CNTNAP2: variants seen among roughly 807,000 people sequenced by gnomAD.
CNTNAP2 encodes the protein contactin associated protein 2.
CNTNAP2 carries 98 observed loss-of-function variants against 155.2 expected under a neutral mutation model. The ratio of observed to expected loss-of-function variants is 0.63; its 90% CI spans 0.54 to 0.75. The LOEUF (loss-of-function observed/expected upper bound fraction) is 0.75. CNTNAP2 is among the 30% of genes least tolerant of loss of function. CNTNAP2 has a pLI of 0.00. For missense variants in CNTNAP2, 1,727 were observed against 1,688.1 expected (o/e 1.02, Z -0.40); for synonymous variants, 651 against 631.2 (o/e 1.03, Z -0.47).
At chr7:147,151,389 A>G (rs1307308648) in intron 8 of CNTNAP2, among the ~76,000 whole-genome samples, 2 of 152,160 alleles carry the variant, frequency 1.3e-5, no homozygotes, top group Non-Finnish European at 2.9e-5. Context: ...AAAGTGAGAA[A>G]TAGGCCGACA....
At chr7:148,308,566 T>G (rs1181639406) in intron 21 of CNTNAP2, among the ~76,000 whole-genome samples, 2 of 150,010 alleles carry the variant, frequency 1.3e-5, no homozygotes, top group African/African-American at 5.0e-5. Context: ...TATTTATTTA[T>G]TTATTTATTT....
At chr7:147,680,526 G>A (rs903698347) in intron 13 of CNTNAP2, among the ~76,000 whole-genome samples, 2 of 151,894 alleles carry the variant, frequency 1.3e-5, no homozygotes, top group Non-Finnish European at 1.5e-5. Context: ...TTTCTGAGAT[G>A]TGGGGACTTT....
At chr7:148,165,690 G>A (rs557326061) in intron 17 of CNTNAP2, among the ~76,000 whole-genome samples, 10 of 152,256 alleles carry the variant, frequency 6.6e-5, no homozygotes, top group East Asian at 1.9e-4. Context: ...CATGAGCGGC[G>A]AAGCCAACAC....
intron 1 of CNTNAP2, among the ~76,000 whole-genome samples, chr7:146,626,655 CTCA>C (rs1242575131): frequency 6.6e-6 from 1 of 151,988 alleles, no homozygotes; most frequent in Non-Finnish European, 1.5e-5. Flanking sequence ...AATACATCAA[CTCA>C]TCATGAATTA....
chr7:146,481,773 G>T (rs554231635), intron 1 of CNTNAP2, among the ~76,000 whole-genome samples: 1 of 152,214 alleles, frequency 6.6e-6, no homozygotes, highest in Admixed American at 6.5e-5. Flanking sequence ...ATATAACCAA[G>T]ATCCAGTGGG....
chr7:148,127,435 G>A (rs1804739286), intron 16 of CNTNAP2, among the ~76,000 whole-genome samples: 1 of 152,158 alleles, frequency 6.6e-6, no homozygotes, highest in Non-Finnish European at 1.5e-5. Context: ...CTTCCATGTT[G>A]CCCAAGTTTG....
At chr7:148,010,695 G>A (rs1429368537) in intron 15 of CNTNAP2, among the ~76,000 whole-genome samples, 2 of 150,906 alleles carry the variant, frequency 1.3e-5, no homozygotes, top group Non-Finnish European at 3.0e-5. Context: ...ATTTTTTAGA[G>A]TCAATTTAGG....
chr7:146,837,460 A>G lies in CNTNAP2; in HGVS notation c.209-2251A>G, dbSNP rs560921115. The stretch of plus-strand genomic sequence containing the variant: ...TTTTGCATTTTTAAAAAATGTTTAT[A>G]TGTTTTATTTTAGATAATAGAATTA... On this transcript the variant is annotated intron_variant, in intron 2 of 23. Transcript: ENST00000361727. Among the ~76,000 whole-genome samples, 9 of 152,142 alleles carry G rather than the reference A, an allele frequency of 5.9e-5. No individual in the cohort carries two copies. In the East Asian group the frequency reaches 1.7e-3, roughly 29 times the overall value.
intron 1 of CNTNAP2, among the ~76,000 whole-genome samples, chr7:146,761,182 A>G (rs1378310403): frequency 2.6e-5 from 4 of 152,122 alleles, no homozygotes; most frequent in Non-Finnish European, 4.4e-5. Flanking sequence ...AAACAACACA[A>G]CCCTTACGTC....
intron 11 of CNTNAP2, among the ~76,000 whole-genome samples, chr7:147,528,285 A>G (rs1799362177): frequency 6.6e-6 from 1 of 152,236 alleles, no homozygotes; most frequent in Non-Finnish European, 1.5e-5. Flanking sequence ...ATCGTGGCAT[A>G]AGGCAGACTG....
intron 13 of CNTNAP2, among the ~76,000 whole-genome samples, chr7:147,802,040 G>A (rs1447876053): frequency 3.3e-5 from 5 of 149,678 alleles, no homozygotes; most frequent in African/African-American, 1.2e-4. Context: ...CCGGGCGGAG[G>A]GGCTCCTCAC....
intron 10 of CNTNAP2, among the ~76,000 whole-genome samples, chr7:147,468,365 A>G (rs1007382329): frequency 8.5e-5 from 13 of 152,178 alleles, no homozygotes; most frequent in Non-Finnish European, 1.6e-4. Flanking sequence ...TACTTTTGAT[A>G]TTACTTGTAT....
chr7:146,732,332 C>T (rs1355516067), intron 1 of CNTNAP2, among the ~76,000 whole-genome samples: 1 of 152,076 alleles, frequency 6.6e-6, no homozygotes, highest in African/African-American at 2.4e-5. Flanking sequence ...CATGTTATGA[C>T]TTTGTTTCAA....
At chr7:147,249,832 G>A (rs1373252308) in intron 8 of CNTNAP2, among the ~76,000 whole-genome samples, 1 of 152,040 alleles carries the variant, frequency 6.6e-6, no homozygotes, top group Non-Finnish European at 1.5e-5. Flanking sequence ...TTTGCTGGAG[G>A]CTCCGTTTCT....
At chr7:147,344,788 CT>C (rs992491363) in intron 9 of CNTNAP2, among the ~76,000 whole-genome samples, 3 of 151,940 alleles carry the variant, frequency 2.0e-5, no homozygotes, top group Admixed American at 1.3e-4. Flanking sequence ...AAATTAGGGA[CT>C]TTTTTTAATA....
intron 11 of CNTNAP2, among the ~76,000 whole-genome samples, chr7:147,510,103 C>T (rs1798987888): frequency 6.6e-6 from 1 of 152,074 alleles, no homozygotes; most frequent in Non-Finnish European, 1.5e-5. Context: ...TGAGAAGATT[C>T]CAGAGCAGAG....
At chr7:146,270,600 G>A (rs930089433) in intron 1 of CNTNAP2, among the ~76,000 whole-genome samples, 4 of 151,978 alleles carry the variant, frequency 2.6e-5, no homozygotes, top group African/African-American at 9.7e-5. Flanking sequence ...ATTTCCAAAA[G>A]ATGTTTTATG....
chr7:147,317,363 G>A (rs1584868582), intron 9 of CNTNAP2, among the ~76,000 whole-genome samples: 2 of 152,160 alleles, frequency 1.3e-5, no homozygotes, highest in East Asian at 3.9e-4. Flanking sequence ...GTTTAGCAAT[G>A]CAAATTTATA....
intron 10 of CNTNAP2, among the ~76,000 whole-genome samples, chr7:147,440,158 C>G (rs1797613381): frequency 6.6e-6 from 1 of 151,848 alleles, no homozygotes. Flanking sequence ...TCCTTCCTGT[C>G]TTCCTTTTAG....
Sources: gnomAD v4.1 joint callset for allele counts (sites outside exome capture counted in the v4.1 genomes callset) on GRCh38, gnomAD v4.1.1 for gene constraint, MANE v1.5 for transcripts, NCBI Gene and HGNC (gene_info 2026-07-23, HGNC 2026-07-21) for gene names.